The following TTI1 variants were observed in gnomAD, a reference collection of about 807,000 sequenced individuals.
TTI1 encodes TELO2-interacting protein 1 homolog.
In TTI1, 52 loss-of-function variants were observed where a neutral mutation model predicts 85.4. The ratio of observed to expected loss-of-function variants is 0.61; its 90% confidence interval spans 0.49 to 0.77. TTI1 has a LOEUF of 0.77. Ranked by LOEUF, TTI1 falls within the 30% of genes least tolerant of loss-of-function variation. The pLI, the probability that TTI1 is intolerant of heterozygous loss-of-function variation, is 0.00. For missense variants in TTI1, 1,173 were observed against 1,296.0 expected, an observed-to-expected ratio of 0.91 and a Z score of 1.46; for synonymous variants, 512 against 503.9, an observed-to-expected ratio of 1.02 and a Z score of -0.22.
intron 7 of TTI1, among the ~76,000 whole-genome samples, chr20:37,985,713 A>G (rs1470331650): frequency 6.6e-6 from 1 of 151,984 alleles, no homozygotes; most frequent in East Asian, 1.9e-4. Context: ...TTTTTAGTAG[A>G]GACGGGGTTT....
Position 37,999,282 on chromosome 20 carries a change from T to C in TTI1, c.2699A>G (p.Lys900Arg). The C allele has an allele frequency of 6.6e-7, 1 of 1,521,968 alleles. No homozygotes were observed. Among genetic ancestry groups the C allele is most frequent in the Non-Finnish European group, 8.8e-7 (1 of 1,132,278 alleles). The allele number at this position is 1,521,968 out of a possible 1,614,324, so 94.3% of individuals were successfully genotyped here. A position where few individuals can be genotyped will look rare whatever the true frequency, so the allele number is the denominator to read the frequency against. Residue 900 changes from lysine (K) to arginine (R), a missense_variant, in exon 5 of 8, where the codon AAA (lysine) becomes AGA (arginine). By Grantham distance (26) the Lys-to-Arg change is conservative. Coordinates refer to ENST00000373447, the MANE Select transcript of TTI1 (RefSeq NM_001303457.2). ...ATGAGCCAAGGGAAGCAGCTGGTTT[T>C]TGTGGGACTGAAGAACAACCACACA... Reference protein sequence around the residue: ...DLCVVVLQSHKNQLLPLAHQA... With the variant: ...DLCVVVLQSHRNQLLPLAHQA...
chr20:37,984,053 C>T (rs569889891), intron 7 of TTI1, among the ~76,000 whole-genome samples: 1 of 152,328 alleles, frequency 6.6e-6, no homozygotes, highest in South Asian at 2.1e-4. Context: ...AGGCCCAGGG[C>T]AGGGCTCCCT....
At chr20:37,989,718 G>A (rs1384435510) in intron 7 of TTI1, among the ~76,000 whole-genome samples, 1 of 152,178 alleles carries the variant, frequency 6.6e-6, no homozygotes, top group Non-Finnish European at 1.5e-5. Flanking sequence ...GCCCCTCCCT[G>A]GAAGGTATGT....
intron 7 of TTI1, among the ~76,000 whole-genome samples, chr20:37,991,473 G>A (rs1411482586): frequency 6.6e-6 from 1 of 152,232 alleles, no homozygotes; most frequent in Non-Finnish European, 1.5e-5. Flanking sequence ...AGGGTTTGAA[G>A]GCACCAGCTG....
rs1470994957 is a variant in TTI1 at position 38,027,205 on chromosome 20, T to C, written c.-42+6199A>G. The stretch of plus-strand genomic sequence containing the variant: ...CCATGGATACCAAAATCAGAGGATG[T>C]TGAAGTCCCTTATAGAAAATAGTGT... On this transcript the variant is annotated intron_variant, in intron 1 of 7. Coordinates refer to ENST00000373447, the MANE Select transcript of TTI1 (RefSeq NM_001303457.2). 2.0e-5 allele frequency among the ~76,000 whole-genome samples: 3 copies of C among 152,352 alleles called. No homozygotes were observed. The East Asian group carries it at 5.8e-4, about 29-fold the overall frequency.
intron 2 of TTI1, among the ~76,000 whole-genome samples, chr20:38,010,385 C>T (rs1216573512): frequency 6.6e-6 from 1 of 151,234 alleles, no homozygotes; most frequent in Non-Finnish European, 1.5e-5. Context: ...AGCTATACAG[C>T]TTATTATTTT....
In TTI1 at chr20:38,013,660, G is replaced by A. The variant is rs781761860; in HGVS notation, c.157C>T (p.Leu53Phe). The change falls in exon 2 of 8, where the codon CTC (leucine) becomes TTC (phenylalanine). Residue 53 changes from leucine to phenylalanine, a missense_variant. Leu to Phe is a conservative substitution (Grantham distance 22). Coordinates refer to ENST00000373447, the MANE Select transcript of TTI1 (RefSeq NM_001303457.2). Reference protein sequence around the residue: ...SALQELQQYILFPLRFTLKTP... With the variant: ...SALQELQQYIFFPLRFTLKTP... ...TTCAGGGTAAATCGCAGAGGGAAGAGGATGTACTGCTGAAGTTCCTGAAGG... is the reference window on the plus strand; with the variant it reads ...TTCAGGGTAAATCGCAGAGGGAAGAAGATGTACTGCTGAAGTTCCTGAAGG... The A allele has an allele frequency of 8.1e-6, 13 of 1,614,110 alleles. No homozygotes were observed. The South Asian group carries it at 8.8e-5, about 11-fold the overall frequency.
At chr20:37,992,825 A>C (rs1325565665) in intron 7 of TTI1, among the ~76,000 whole-genome samples, 1 of 152,152 alleles carries the variant, frequency 6.6e-6, no homozygotes, top group Non-Finnish European at 1.5e-5. Flanking sequence ...CACGTACAGG[A>C]GGCAAAAGCT....
intron 1 of TTI1, among the ~76,000 whole-genome samples, chr20:38,016,405 T>C (rs1461704370): frequency 6.6e-6 from 1 of 152,154 alleles, no homozygotes; most frequent in Non-Finnish European, 1.5e-5. Flanking sequence ...CTGTAGGAGT[T>C]TCAAGAAGAT....
At chr20:37,999,428 T>G in intron 4 of TTI1, 100 bp from the exon 5 acceptor site, 1 of 1,247,506 alleles carries the variant, frequency 8.0e-7, no homozygotes, top group Non-Finnish European at 1.0e-6. Context: ...ACGTATTAAT[T>G]GGATAATTGT....
rs2073151705 is a variant in TTI1 at position 37,983,627 on chromosome 20, G to C, written c.3099C>G (p.His1033Gln). The change falls in exon 8 of 8, where the codon CAC becomes CAG. Residue 1033 changes from histidine (H) to glutamine (Q), a missense_variant. By Grantham distance (24) the His-to-Gln change is conservative. Transcript: ENST00000373447. The stretch of plus-strand genomic sequence containing the variant: ...TGGAGTCTGGGTCCACCTTCATCAA[G>C]TGGAGGAAGACGCTGTGGAGAGATG... ...LQEAARSVFL[H>Q]LMKVDPDSTW... 5 of 1,530,706 alleles carry C rather than the reference G, an allele frequency of 3.3e-6. No homozygotes were observed. Among genetic ancestry groups the C allele is most frequent in the Non-Finnish European group, 4.4e-6 (5 of 1,137,704 alleles). The allele number at this position is 1,530,706 out of a possible 1,614,324, so 94.8% of individuals were successfully genotyped here. A position where few individuals can be genotyped will look rare whatever the true frequency, so the allele number is the denominator to read the frequency against.
At chr20:38,032,586 G>GTGTTT (rs1183729635) in intron 1 of TTI1, among the ~76,000 whole-genome samples, 1 of 152,186 alleles carries the variant, frequency 6.6e-6, no homozygotes, top group Non-Finnish European at 1.5e-5. Flanking sequence ...GTCTCAGATA[G>GTGTTT]TGTTTTGTTT....
chr20:38,013,132 G>A lies in TTI1; in HGVS notation c.685C>T (p.His229Tyr), dbSNP rs753362017. 48 of 1,614,142 alleles carry A rather than the reference G, an allele frequency of 3.0e-5. No individual in the cohort carries two copies. The highest frequency in any genetic ancestry group is 3.6e-5 in the Non-Finnish European group (43 of 1,180,036). The change falls in exon 2 of 8, where the codon CAC (histidine) becomes TAC (tyrosine). Residue 229 changes from histidine to tyrosine, a missense_variant. By Grantham distance (83) the His-to-Tyr change is moderately conservative. Coordinates refer to ENST00000373447, the MANE Select transcript of TTI1 (RefSeq NM_001303457.2). ...TTTAGGGAAGATACGACAATGCTGT[G>A]ACCTTGTTTAAAGTCTCCTGTGATA... ...RLITGDFKQG[H>Y]SIVVSSLKIF...
intron 4 of TTI1, 53 bp downstream of exon 4, chr20:38,002,575 C>A: frequency 1.3e-6 from 2 of 1,598,898 alleles, no homozygotes; most frequent in Non-Finnish European, 1.7e-6. Flanking sequence ...GCCAACCAGG[C>A]CACACCTTAG....
chr20:38,029,489 T>C (rs947525308), intron 1 of TTI1, among the ~76,000 whole-genome samples: 5 of 151,156 alleles, frequency 3.3e-5, no homozygotes, highest in African/African-American at 1.2e-4. Flanking sequence ...AGAAAGTCAA[T>C]GAAATAAATA....
chr20:38,002,826 A>T (rs749449021), intron 3 of TTI1, 50 bp from the exon 4 acceptor site: 13 of 1,597,372 alleles, frequency 8.1e-6, no homozygotes, highest in Non-Finnish European at 1.1e-5. Context: ...GATAAAACAG[A>T]GATACCTAAA....
intron 1 of TTI1, among the ~76,000 whole-genome samples, chr20:38,028,163 G>A (rs1049147812): frequency 6.6e-6 from 1 of 152,152 alleles, no homozygotes; most frequent in African/African-American, 2.4e-5. Flanking sequence ...CGGAACCCAT[G>A]AATATAGAGG....
At chr20:37,997,469 G>A (rs1020370057) in intron 5 of TTI1, among the ~76,000 whole-genome samples, 1 of 151,718 alleles carries the variant, frequency 6.6e-6, no homozygotes, top group Non-Finnish European at 1.5e-5. Flanking sequence ...AGTTGCAGCC[G>A]ACTCGGTGTT....
intron 3 of TTI1, among the ~76,000 whole-genome samples, chr20:38,003,135 A>AT (rs1283359143): frequency 1.3e-5 from 2 of 151,934 alleles, no homozygotes; most frequent in African/African-American, 2.4e-5. Context: ...TAATTTTTAA[A>AT]TTTTTTTGTA....
Sources: allele counts gnomAD v4.1 joint callset (sites outside exome capture counted in the v4.1 genomes callset), GRCh38; gene constraint gnomAD v4.1.1; transcripts MANE v1.5; gene names NCBI Gene and HGNC (gene_info 2026-07-23, HGNC 2026-07-21).